CLEC16A: variants seen among roughly 807,000 people sequenced by gnomAD.
The protein encoded by CLEC16A is protein CLEC16A.
A neutral mutation model predicts 109.5 loss-of-function variants in CLEC16A; 51 were observed. That is an observed-to-expected ratio of 0.47 (90% CI 0.37 to 0.59). The LOEUF is 0.59. CLEC16A is among the 20% of genes least tolerant of loss of function. CLEC16A has a pLI of 0.00. For synonymous variants in CLEC16A, 673 were observed against 564.2 expected (o/e 1.19, Z -2.73); for missense variants, 1,339 against 1,394.0 (o/e 0.96, Z 0.63).
intron 10 of CLEC16A, among the ~76,000 whole-genome samples, chr16:10,992,138 T>C (rs773570593): frequency 4.6e-5 from 7 of 152,174 alleles, no homozygotes; most frequent in South Asian, 2.1e-4. Context: ...GTTAGTTTCA[T>C]GGGCAAAGAG....
At chr16:11,069,370 C>G (rs1293747387) in intron 19 of CLEC16A, among the ~76,000 whole-genome samples, 1 of 151,986 alleles carries the variant, frequency 6.6e-6, no homozygotes, top group African/African-American at 2.4e-5. Context: ...CTCAAGCAAT[C>G]CACCCACCTT....
chr16:11,170,792 G>C (rs1046485892), intron 23 of CLEC16A, among the ~76,000 whole-genome samples: 1 of 152,246 alleles, frequency 6.6e-6, no homozygotes, highest in African/African-American at 2.4e-5. Flanking sequence ...CTTGCAGGCA[G>C]GCGGGGTGGC....
At chr16:11,079,122 G>T (rs917398673) in intron 19 of CLEC16A, among the ~76,000 whole-genome samples, 7 of 152,176 alleles carry the variant, frequency 4.6e-5, no homozygotes, top group African/African-American at 1.7e-4. Context: ...AACCCATTCT[G>T]TGCTTGGCCT....
chr16:11,076,827 G>A (rs2049401779), intron 19 of CLEC16A, among the ~76,000 whole-genome samples: 1 of 152,146 alleles, frequency 6.6e-6, no homozygotes, highest in Admixed American at 6.5e-5. Context: ...CCTGCCCTCA[G>A]CCAATGCACA....
chr16:11,168,418 G>A (rs960538749), intron 23 of CLEC16A, among the ~76,000 whole-genome samples: 3 of 152,198 alleles, frequency 2.0e-5, no homozygotes, highest in African/African-American at 7.2e-5. Flanking sequence ...CCCATTTGGT[G>A]CGTCCCCAGC....
chr16:11,157,310 A>G, intron 22 of CLEC16A: 2 of 1,031,312 alleles, frequency 1.9e-6, no homozygotes, highest in Non-Finnish European at 2.5e-6. Context: ...CCATACGAAC[A>G]TCCCTTCCCC....
chr16:10,964,911 T>C (rs1251889550), intron 3 of CLEC16A, among the ~76,000 whole-genome samples: 2 of 152,120 alleles, frequency 1.3e-5, no homozygotes, highest in Admixed American at 1.3e-4. Flanking sequence ...GTGATGAAAA[T>C]ATGCAGTAGA....
chr16:11,156,682 G>A (rs772727055), intron 22 of CLEC16A: 43 of 1,303,028 alleles, frequency 3.3e-5, no homozygotes, highest in Middle Eastern at 2.1e-4. Flanking sequence ...ATTTACAGAC[G>A]GTAATACCAG....
chr16:11,036,991 G>A (rs1367291883), intron 13 of CLEC16A, among the ~76,000 whole-genome samples: 1 of 152,234 alleles, frequency 6.6e-6, no homozygotes, highest in Non-Finnish European at 1.5e-5. Context: ...GTTGGCCTGT[G>A]ACAGTGCTTT....
intron 2 of CLEC16A, among the ~76,000 whole-genome samples, 179 bp downstream of exon 2, chr16:10,958,089 T>C (rs141352715): frequency 8.7e-5 from 13 of 149,686 alleles, no homozygotes; most frequent in African/African-American, 2.0e-4. Context: ...ACTATAGAAA[T>C]GCAAGCCAAA....
At chr16:11,014,307 C>A (rs2045611498) in intron 11 of CLEC16A, among the ~76,000 whole-genome samples, 1 of 152,222 alleles carries the variant, frequency 6.6e-6, no homozygotes, top group African/African-American at 2.4e-5. Context: ...CACAGCTGTG[C>A]TGTGTGTATG....
intron 22 of CLEC16A, 159 bp downstream of exon 22, chr16:11,126,305 T>C (rs1322574120): frequency 6.6e-7 from 1 of 1,519,128 alleles, no homozygotes; most frequent in Non-Finnish European, 8.8e-7. Flanking sequence ...CAGCGCAAGA[T>C]TAAACACAGC....
intron 22 of CLEC16A, among the ~76,000 whole-genome samples, chr16:11,127,723 C>T (rs2153040458): frequency 6.6e-6 from 1 of 152,002 alleles, no homozygotes; most frequent in Non-Finnish European, 1.5e-5. Flanking sequence ...AAAAAATTAG[C>T]CAGGCATGGT....
At chr16:11,105,874 TAC>T (rs1356722419) in intron 19 of CLEC16A, among the ~76,000 whole-genome samples, 2 of 152,324 alleles carry the variant, frequency 1.3e-5, no homozygotes, top group African/African-American at 4.8e-5. Context: ...TGAGCATTGA[TAC>T]AGTGTCCTCA....
intron 22 of CLEC16A, chr16:11,156,736 G>T: frequency 8.5e-7 from 1 of 1,169,592 alleles, no homozygotes; most frequent in East Asian, 5.8e-5. Context: ...TGGGTCCTTG[G>T]GAATCAAGCC....
intron 10 of CLEC16A, among the ~76,000 whole-genome samples, chr16:10,997,311 A>G (rs1015509374): frequency 2.6e-5 from 4 of 152,218 alleles, no homozygotes; most frequent in African/African-American, 7.2e-5. Flanking sequence ...AAAGTACATA[A>G]AAGTTTAGTA....
intron 4 of CLEC16A, among the ~76,000 whole-genome samples, 164 bp from the exon 5 acceptor site, chr16:10,970,961 A>G (rs1301265195): frequency 1.4e-5 from 2 of 147,494 alleles, no homozygotes; most frequent in Admixed American, 1.3e-4. Flanking sequence ...CCCTTTCTAC[A>G]TGCCCCATTG....
chr16:11,009,612 A>G (rs932475677), intron 11 of CLEC16A, among the ~76,000 whole-genome samples: 2 of 152,086 alleles, frequency 1.3e-5, no homozygotes, highest in Non-Finnish European at 2.9e-5. Flanking sequence ...TACCACCTAC[A>G]AGGCTAGGCG....
chr16:11,133,958 A>G (rs1353086345), intron 22 of CLEC16A, among the ~76,000 whole-genome samples: 1 of 152,112 alleles, frequency 6.6e-6, no homozygotes. Context: ...CAGGCCTTTT[A>G]TAAAGCAAAA....
Sources: gnomAD v4.1 joint callset for allele counts (sites outside exome capture counted in the v4.1 genomes callset) on GRCh38, gnomAD v4.1.1 for gene constraint, MANE v1.5 for transcripts, NCBI Gene and HGNC (gene_info 2026-07-23, HGNC 2026-07-21) for gene names.